Variants in MTDH observed in about 807,000 individuals in gnomAD.
MTDH encodes the protein protein LYRIC.
Under a neutral mutation model 72.7 loss-of-function variants are expected in MTDH, and 34 were observed. That is an observed-to-expected ratio of 0.47 (90% confidence interval 0.36 to 0.62). The LOEUF (loss-of-function observed/expected upper bound fraction) is 0.62, where lower values mean the gene tolerates loss of function less well. MTDH is among the 20% of genes least tolerant of loss of function. The pLI is 0.00. For synonymous variants in MTDH, 266 were observed against 268.9 expected (o/e 0.99, Z 0.10); for missense variants, 677 against 699.4 (o/e 0.97, Z 0.36).
intron 2 of MTDH, among the ~76,000 whole-genome samples, chr8:97,668,253 C>G (rs1330142783): frequency 1.3e-5 from 2 of 152,092 alleles, no homozygotes; most frequent in Non-Finnish European, 2.9e-5. Flanking sequence ...CATCACTATA[C>G]TCCAGCCTGG....
intron 2 of MTDH, among the ~76,000 whole-genome samples, chr8:97,675,924 G>A (rs1368007258): frequency 6.8e-6 from 1 of 147,770 alleles, no homozygotes; most frequent in Non-Finnish European, 1.5e-5. Flanking sequence ...TGTATAAATG[G>A]CTAGTTGCAA....
rs570627997 is a variant in MTDH at position 97,657,855 on chromosome 8, C to T, written c.382-3217C>T. Among the ~76,000 whole-genome samples, 6 of 152,276 alleles carry T rather than the reference C, an allele frequency of 3.9e-5. No individual in the cohort carries two copies. In the South Asian group the frequency reaches 1.0e-3, roughly 26 times the overall value. On this transcript the variant is annotated intron_variant, in intron 1 of 11. Coordinates refer to ENST00000336273, the MANE Select transcript of MTDH (RefSeq NM_178812.4). ...CCATATTGACAATCACAAGGGTAGA[C>T]ACATTGGATTTGAAGTTTTGGTTTG...
Position 97,691,026 on chromosome 8 carries a change from C to G in MTDH, c.886C>G (p.Gln296Glu). 1 of 1,614,102 alleles carries G rather than the reference C, an allele frequency of 6.2e-7. No individual in the cohort carries two copies. Residue 296 changes from glutamine (Q) to glutamate (E), a missense_variant, in exon 6 of 12, where the codon CAG (glutamine) becomes GAG (glutamate). Physicochemically the swap from Gln to Glu is conservative, Grantham distance 29. Around this residue, in one of 3 missense-constraint regions of MTDH, gnomAD observed 467 missense variants for 469.1 expected, o/e 1.00. Transcript: ENST00000336273. ...WNEKSVKLSS[Q>E]ISAGEEKWNS... is the part of the protein sequence containing the mutation. Reference sequence around the variant, plus strand: ...TGAAAAGTCTGTAAAACTCTCCTCACAGATCAGTGCAGGTGAGGAGAAGTG... The same window carrying G: ...TGAAAAGTCTGTAAAACTCTCCTCAGAGATCAGTGCAGGTGAGGAGAAGTG...
chr8:97,674,041 A>T (rs533857846), intron 2 of MTDH, among the ~76,000 whole-genome samples: 3 of 152,260 alleles, frequency 2.0e-5, no homozygotes, highest in African/African-American at 7.2e-5. Context: ...CTGTAGTCCC[A>T]GCTACTCAGG....
At chr8:97,681,240 G>T (rs1813057669) in intron 2 of MTDH, among the ~76,000 whole-genome samples, 1 of 152,106 alleles carries the variant, frequency 6.6e-6, no homozygotes. Flanking sequence ...TCCACAGTCA[G>T]TGCAGCTTGG....
intron 8 of MTDH, among the ~76,000 whole-genome samples, chr8:97,709,218 T>TA (rs1370888818): frequency 1.4e-5 from 2 of 147,250 alleles, no homozygotes; most frequent in Non-Finnish European, 3.0e-5. Flanking sequence ...AACCACCAGA[T>TA]ATAATACTAA....
intron 2 of MTDH, among the ~76,000 whole-genome samples, chr8:97,670,071 T>G (rs531184507): frequency 5.6e-4 from 71 of 125,670 alleles, no homozygotes; most frequent in South Asian, 1.2e-3. Context: ...TCCCATCACT[T>G]TAGGAGGCTG....
At chr8:97,716,635 CACTCCAGCCTGG>C (rs1814883169) in intron 9 of MTDH, among the ~76,000 whole-genome samples, 1 of 152,056 alleles carries the variant, frequency 6.6e-6, no homozygotes, top group South Asian at 2.1e-4. Flanking sequence ...TGTGCCACTA[CACTCCAGCCTGG>C]ACAACAGAGT....
intron 2 of MTDH, among the ~76,000 whole-genome samples, chr8:97,664,981 C>A (rs956278088): frequency 2.6e-5 from 4 of 152,142 alleles, no homozygotes; most frequent in African/African-American, 9.7e-5. Flanking sequence ...AGGCTGGTCG[C>A]GAACTCCTGA....
chr8:97,668,753 C>A (rs1812490879), intron 2 of MTDH, among the ~76,000 whole-genome samples: 1 of 152,104 alleles, frequency 6.6e-6, no homozygotes, highest in Admixed American at 6.6e-5. Context: ...TGGGATTTCA[C>A]CATGTTGGCC....
At chr8:97,680,198 G>A (rs558796975) in intron 2 of MTDH, among the ~76,000 whole-genome samples, 7 of 152,156 alleles carry the variant, frequency 4.6e-5, no homozygotes, top group South Asian at 2.1e-4. Flanking sequence ...TCAGTCTGCC[G>A]AGTAGCTAGG....
chr8:97,725,869 C>T lies in MTDH; in HGVS notation c.*1199C>T, dbSNP rs1383374765. Reference sequence around the variant, plus strand: ...GGTATCTTTGTAACTATAAATAGTGCATGCTCAGCCATGTACACTGTAAAT... The same window carrying T: ...GGTATCTTTGTAACTATAAATAGTGTATGCTCAGCCATGTACACTGTAAAT... On this transcript the variant is annotated 3_prime_UTR_variant, in exon 12 of 12. Coordinates refer to ENST00000336273, the MANE Select transcript of MTDH (RefSeq NM_178812.4). The T allele has an allele frequency of 6.6e-6, 1 of 152,536 alleles. No individual in the cohort carries two copies. Among genetic ancestry groups the T allele is most frequent in the Non-Finnish European group, 1.5e-5 (1 of 68,026 alleles). 9.4% of individuals were successfully genotyped at this position (152,536 alleles called of 1,614,324 possible).
intron 2 of MTDH, among the ~76,000 whole-genome samples, chr8:97,684,533 G>T (rs1391703079): frequency 6.6e-6 from 1 of 152,188 alleles, no homozygotes; most frequent in Non-Finnish European, 1.5e-5. Context: ...TGCTATATGA[G>T]CAGAGTTCTG....
In MTDH at chr8:97,644,447, T is replaced by A; in HGVS notation, c.-60T>A. On this transcript the variant is annotated 5_prime_UTR_variant, in exon 1 of 12. Transcript: ENST00000336273. ...CCGGCCCTTCCTCGCTTCCCTCGACTATTCCACTGCGTCTCCGCGCCCCGG... is the reference window on the plus strand; with the variant it reads ...CCGGCCCTTCCTCGCTTCCCTCGACAATTCCACTGCGTCTCCGCGCCCCGG... 6.6e-7 allele frequency: 1 copy of A among 1,514,962 alleles called. No individual in the cohort carries two copies. Among genetic ancestry groups the A allele is most frequent in the Non-Finnish European group, 8.8e-7 (1 of 1,139,856 alleles). 93.8% of individuals were successfully genotyped at this position (1,514,962 alleles called of 1,614,324 possible).
rs1163253226 is a variant in MTDH, at chr8:97,725,934, A to G, written c.*1264A>G. On this transcript the variant is annotated 3_prime_UTR_variant, in exon 12 of 12. Transcript: ENST00000336273. ...GTGTTTGACAAGGACCATAATTAACATCACTTAGTGAATTGTGATAAAGAA... is the reference window on the plus strand; with the variant it reads ...GTGTTTGACAAGGACCATAATTAACGTCACTTAGTGAATTGTGATAAAGAA... 6.6e-6 allele frequency: 1 copy of G among 152,638 alleles called. No individual in the cohort carries two copies. Among genetic ancestry groups the G allele is most frequent in the Non-Finnish European group, 1.5e-5 (1 of 68,044 alleles). 9.5% of individuals were successfully genotyped at this position (152,638 alleles called of 1,614,324 possible). A position where few individuals can be genotyped will look rare whatever the true frequency, so the allele number is the denominator to read the frequency against.
intron 8 of MTDH, among the ~76,000 whole-genome samples, chr8:97,710,613 G>A (rs547064754): frequency 2.8e-5 from 4 of 142,296 alleles, no homozygotes; most frequent in East Asian, 2.1e-4. Flanking sequence ...CACAAGACTC[G>A]CTTGAACTGG....
intron 2 of MTDH, among the ~76,000 whole-genome samples, chr8:97,683,289 T>A (rs1813216433): frequency 6.6e-6 from 1 of 151,722 alleles, no homozygotes; most frequent in Non-Finnish European, 1.5e-5. Flanking sequence ...GGTCTCGATC[T>A]CCTAAGCTCA....
In MTDH at chr8:97,706,736, C is replaced by G. The variant is rs1814370933; in HGVS notation, c.1258C>G (p.Pro420Ala). Residue 420 changes from proline to alanine, a missense_variant, in exon 8 of 12, where the codon CCT becomes GCT. Pro to Ala is a conservative substitution (Grantham distance 27). This residue lies in a region of MTDH where 201 missense variants were observed against 204.5 expected (regional missense o/e 0.98). Coordinates refer to ENST00000336273, the MANE Select transcript of MTDH (RefSeq NM_178812.4). Reference sequence around the variant, plus strand: ...ACTTCTAAAGTCCCAGGAACCAATTCCTGATGATCAAAAGGTGAGTATAAG... The same window carrying G: ...ACTTCTAAAGTCCCAGGAACCAATTGCTGATGATCAAAAGGTGAGTATAAG... The part of the protein sequence containing the change: ...ASLLKSQEPI[P>A]DDQKVSDDDK... 1.2e-6 allele frequency: 2 copies of G among 1,613,188 alleles called. No individual in the cohort carries two copies. Among genetic ancestry groups the G allele is most frequent in the Non-Finnish European group, 1.7e-6 (2 of 1,179,660 alleles).
intron 1 of MTDH, among the ~76,000 whole-genome samples, chr8:97,652,077 A>T (rs901273892): frequency 2.6e-5 from 4 of 152,208 alleles, no homozygotes; most frequent in African/African-American, 9.7e-5. Flanking sequence ...TAGCTCCCCT[A>T]ACCTGCAGCA....
Sources: allele counts gnomAD v4.1 joint callset (sites outside exome capture counted in the v4.1 genomes callset), GRCh38; gene constraint gnomAD v4.1.1; regional missense constraint gnomAD v4.1.1; transcripts MANE v1.5; gene names NCBI Gene and HGNC (gene_info 2026-07-23, HGNC 2026-07-21).